Variants in NKAIN2 observed in about 807,000 individuals in gnomAD.
NKAIN2 encodes sodium/potassium transporting ATPase interacting 2.
Under a neutral mutation model 32.6 loss-of-function variants are expected in NKAIN2, and 14 were observed. The observed-to-expected ratio is 0.43, with a 90% CI of 0.28 to 0.67. The LOEUF is 0.67. NKAIN2 is among the 30% of genes least tolerant of loss of function. The pLI, the probability that NKAIN2 is intolerant of heterozygous loss-of-function variation, is 0.17. For synonymous variants in NKAIN2, 80 were observed against 87.2 expected (o/e 0.92, Z 0.46); for missense variants, 198 against 258.3 (o/e 0.77, Z 1.60).
intron 2 of NKAIN2, among the ~76,000 whole-genome samples, chr6:124,353,605 A>C (rs1798830574): frequency 6.6e-6 from 1 of 152,138 alleles, no homozygotes; most frequent in African/African-American, 2.4e-5. Flanking sequence ...ATACAAAAAA[A>C]TTAGCCGGGC....
intron 1 of NKAIN2, among the ~76,000 whole-genome samples, chr6:123,988,668 A>G (rs1779269419): frequency 1.3e-5 from 2 of 152,172 alleles, no homozygotes; most frequent in Admixed American, 1.3e-4. Flanking sequence ...CTACTTTTCT[A>G]TTTGTCAGAA....
At chr6:124,437,851 G>C (rs187337861) in intron 3 of NKAIN2, 56 of 399,516 alleles carry the variant, frequency 1.4e-4, no homozygotes, top group Non-Finnish European at 9.7e-6. Context: ...TGAATTGTAG[G>C]GAATACGTAC....
At chr6:123,910,405 T>C (rs187934369) in intron 1 of NKAIN2, among the ~76,000 whole-genome samples, 1 of 152,272 alleles carries the variant, frequency 6.6e-6, no homozygotes, top group Non-Finnish European at 1.5e-5. Flanking sequence ...CTGACTTTTC[T>C]TTTAAGTAGT....
chr6:123,977,248 T>A (rs972655252), intron 1 of NKAIN2, among the ~76,000 whole-genome samples: 3 of 152,144 alleles, frequency 2.0e-5, no homozygotes, highest in African/African-American at 7.2e-5. Flanking sequence ...TACTAAGCTC[T>A]CTGTTAGTGA....
intron 2 of NKAIN2, among the ~76,000 whole-genome samples, chr6:124,348,645 G>C (rs1392669352): frequency 6.6e-6 from 1 of 152,204 alleles, no homozygotes; most frequent in Non-Finnish European, 1.5e-5. Flanking sequence ...AACAGCTCCG[G>C]TCTACAGCTC....
chr6:124,641,172 G>T (rs1017710487), intron 3 of NKAIN2, among the ~76,000 whole-genome samples: 3 of 152,212 alleles, frequency 2.0e-5, no homozygotes, highest in Non-Finnish European at 4.4e-5. Context: ...AGGAAAAGCT[G>T]TTGAGAAGGG....
intron 1 of NKAIN2, among the ~76,000 whole-genome samples, chr6:124,175,223 A>G (rs1789096330): frequency 2.0e-5 from 3 of 151,992 alleles, no homozygotes; most frequent in Admixed American, 2.0e-4. Context: ...AAGTGCTTGT[A>G]GAAACTTGCA....
intron 1 of NKAIN2, among the ~76,000 whole-genome samples, chr6:124,007,121 T>C (rs1780110905): frequency 6.6e-6 from 1 of 152,182 alleles, no homozygotes; most frequent in Admixed American, 6.5e-5. Context: ...GCTACAGATC[T>C]GTACAGCATG....
At chr6:124,236,193 G>A (rs1483455459) in intron 1 of NKAIN2, among the ~76,000 whole-genome samples, 2 of 152,044 alleles carry the variant, frequency 1.3e-5, no homozygotes, top group African/African-American at 2.4e-5. Context: ...ATGTAAACAA[G>A]GCAGTATGCT....
At chr6:124,527,468 T>G (rs1030432676) in intron 3 of NKAIN2, among the ~76,000 whole-genome samples, 7 of 152,236 alleles carry the variant, frequency 4.6e-5, no homozygotes, top group Non-Finnish European at 1.0e-4. Context: ...TCATTAATAT[T>G]AGAATTTGTT....
chr6:123,943,461 A>T (rs1776916373), intron 1 of NKAIN2, among the ~76,000 whole-genome samples: 1 of 151,954 alleles, frequency 6.6e-6, no homozygotes, highest in African/African-American at 2.4e-5. Context: ...CCTGGAGGTG[A>T]TTCTTTGTCC....
intron 4 of NKAIN2, among the ~76,000 whole-genome samples, chr6:124,781,801 A>G (rs1371273473): frequency 2.6e-5 from 4 of 152,242 alleles, no homozygotes; most frequent in Non-Finnish European, 5.9e-5. Context: ...ATTCAGTCCA[A>G]CTAGATTATA....
chr6:124,128,973 C>T (rs879783069), intron 1 of NKAIN2, among the ~76,000 whole-genome samples: 14 of 152,090 alleles, frequency 9.2e-5, no homozygotes, highest in Non-Finnish European at 1.3e-4. Flanking sequence ...TTCTGATACA[C>T]GAGGCTCAGG....
At chr6:123,808,788 G>C (rs545191029) in intron 1 of NKAIN2, among the ~76,000 whole-genome samples, 2 of 152,288 alleles carry the variant, frequency 1.3e-5, no homozygotes, top group East Asian at 3.9e-4. Flanking sequence ...CTTTCCCTCT[G>C]ATGCTGCTTT....
At chr6:124,667,374 C>T (rs1772856910) in intron 4 of NKAIN2, among the ~76,000 whole-genome samples, 1 of 151,678 alleles carries the variant, frequency 6.6e-6, no homozygotes, top group Non-Finnish European at 1.5e-5. Flanking sequence ...ATGTATGATC[C>T]CATTTTTATA....
intron 3 of NKAIN2, among the ~76,000 whole-genome samples, chr6:124,398,840 C>G (rs9482545): frequency 0.42 from 63,738 of 151,984 alleles, 13,521 homozygotes; most frequent in South Asian, 0.55. Flanking sequence ...TAAGTATATA[C>G]TCCAGAGGGG....
At chr6:124,204,762 T>G (rs1001503641) in intron 1 of NKAIN2, among the ~76,000 whole-genome samples, 1 of 151,744 alleles carries the variant, frequency 6.6e-6, no homozygotes, top group Non-Finnish European at 1.5e-5. Context: ...ATGGATGAAC[T>G]GAAAATCATG....
chr6:124,758,666 A>G (rs1372250575), intron 4 of NKAIN2, among the ~76,000 whole-genome samples: 5 of 152,098 alleles, frequency 3.3e-5, no homozygotes, highest in African/African-American at 1.2e-4. Flanking sequence ...TACACTATCC[A>G]TTCTGCCAGG....
At chr6:124,318,020 T>G (rs1797032412) in intron 2 of NKAIN2, among the ~76,000 whole-genome samples, 1 of 152,054 alleles carries the variant, frequency 6.6e-6, no homozygotes, top group East Asian at 1.9e-4. Flanking sequence ...AAGAAAAATT[T>G]CCAATCATTT....
Sources: gnomAD v4.1 joint callset for allele counts (sites outside exome capture counted in the v4.1 genomes callset) on GRCh38, gnomAD v4.1.1 for gene constraint, MANE v1.5 for transcripts, NCBI Gene and HGNC (gene_info 2026-07-23, HGNC 2026-07-21) for gene names.